Variants in SLC6A17 observed in about 807,000 individuals in gnomAD.
SLC6A17 encodes the protein sodium-dependent neutral amino acid transporter SLC6A17.
SLC6A17 carries 21 observed loss-of-function variants against 64.5 expected under a neutral mutation model. The ratio of observed to expected loss-of-function variants is 0.33; its 90% CI spans 0.23 to 0.47. SLC6A17 has a LOEUF of 0.47. SLC6A17 is among the 20% of genes least tolerant of loss of function. The pLI is 1.00. For missense variants in SLC6A17, 682 were observed against 963.2 expected (o/e 0.71, Z 3.86); for synonymous variants, 372 against 399.5 (o/e 0.93, Z 0.82).
At chr1:110,175,114 T>C (rs889800477) in intron 5 of SLC6A17, among the ~76,000 whole-genome samples, 154 bp downstream of exon 5, 2 of 152,122 alleles carry the variant, frequency 1.3e-5, no homozygotes, top group African/African-American at 4.8e-5. Context: ...ATTCCTATAG[T>C]GTTGCTCACC....
chr1:110,188,724 A>G (rs981197816), intron 6 of SLC6A17, among the ~76,000 whole-genome samples: 1 of 152,160 alleles, frequency 6.6e-6, no homozygotes, highest in Non-Finnish European at 1.5e-5. Context: ...AATCAAGACA[A>G]CATATAAAAA....
intron 9 of SLC6A17, among the ~76,000 whole-genome samples, chr1:110,195,287 A>G (rs974209279): frequency 3.9e-5 from 6 of 152,256 alleles, no homozygotes; most frequent in African/African-American, 1.2e-4. Flanking sequence ...CAGATGAATC[A>G]TTTAAGTTAA....
At chr1:110,153,716 A>G (rs1399700686) in intron 1 of SLC6A17, among the ~76,000 whole-genome samples, 2 of 152,184 alleles carry the variant, frequency 1.3e-5, no homozygotes, top group Non-Finnish European at 2.9e-5. Flanking sequence ...GGTTTGCTGC[A>G]GCAGGACAAT....
chr1:110,190,020 C>T (rs546006346), intron 6 of SLC6A17, among the ~76,000 whole-genome samples: 22 of 152,348 alleles, frequency 1.4e-4, no homozygotes, highest in African/African-American at 5.1e-4. Context: ...ACTTGGAGAG[C>T]CTGATTGCTT....
chr1:110,170,302 G>A (rs1189722565), intron 2 of SLC6A17, among the ~76,000 whole-genome samples: 2 of 152,112 alleles, frequency 1.3e-5, no homozygotes, highest in Non-Finnish European at 2.9e-5. Context: ...GGCTAACATG[G>A]TGAAACCCCG....
intron 3 of SLC6A17, among the ~76,000 whole-genome samples, chr1:110,173,486 T>G (rs1477692500): frequency 3.3e-5 from 5 of 152,248 alleles, no homozygotes; most frequent in Non-Finnish European, 7.3e-5. Context: ...GCCATCTTTC[T>G]AGAGGCAGGC....
intron 1 of SLC6A17, among the ~76,000 whole-genome samples, chr1:110,163,088 A>G (rs998003678): frequency 6.6e-6 from 1 of 151,996 alleles, no homozygotes; most frequent in African/African-American, 2.4e-5. Flanking sequence ...GGTACATTTT[A>G]ATAACAATAA....
chr1:110,173,234 C>A (rs541210377), intron 3 of SLC6A17, among the ~76,000 whole-genome samples: 1 of 152,232 alleles, frequency 6.6e-6, no homozygotes, highest in African/African-American at 2.4e-5. Context: ...CACATGTGCT[C>A]AGGTGAGACT....
At chr1:110,184,324 C>T (rs1040948943) in intron 6 of SLC6A17, among the ~76,000 whole-genome samples, 4 of 152,128 alleles carry the variant, frequency 2.6e-5, no homozygotes, top group Non-Finnish European at 1.5e-5. Flanking sequence ...CTAGGATGGT[C>T]TCGATCTCCT....
chr1:110,152,734 C>G (rs979663526), intron 1 of SLC6A17, among the ~76,000 whole-genome samples: 3 of 152,306 alleles, frequency 2.0e-5, no homozygotes, highest in Admixed American at 2.0e-4. Flanking sequence ...TCGGGAGTCT[C>G]AGAGTTTCCT....
intron 6 of SLC6A17, among the ~76,000 whole-genome samples, chr1:110,190,915 A>G (rs930376190): frequency 3.9e-5 from 6 of 152,338 alleles, no homozygotes; most frequent in African/African-American, 1.4e-4. Context: ...TACCTTGAGC[A>G]AGTCATTTCA....
At chr1:110,198,023 C>A in intron 11 of SLC6A17, 53 bp from the exon 12 acceptor site, 1 of 1,557,198 alleles carries the variant, frequency 6.4e-7, no homozygotes. Flanking sequence ...AGGGCCTGGG[C>A]GGGGAGGGCT....
At chr1:110,152,260 C>T (rs751904274) in intron 1 of SLC6A17, among the ~76,000 whole-genome samples, 16 of 152,164 alleles carry the variant, frequency 1.1e-4, no homozygotes, top group Non-Finnish European at 2.2e-4. Flanking sequence ...GCTCCACTGC[C>T]GGATTTTTCT....
chr1:110,172,449 G>T, intron 3 of SLC6A17: 1 of 554,560 alleles, frequency 1.8e-6, no homozygotes, highest in South Asian at 2.3e-5. Flanking sequence ...TTTGCCATTG[G>T]TGCTAAGGAG....
At position 110,192,558 on chromosome 1, in the gene SLC6A17, C is replaced by T. The variant is rs1292809813; in HGVS notation, c.1159C>T (p.Leu387Phe). 4 of 1,614,188 alleles carry T rather than the reference C, an allele frequency of 2.5e-6. No individual in the cohort carries two copies. The change falls in exon 8 of 12, where the codon CTC becomes TTC. Residue 387 changes from leucine to phenylalanine, a missense_variant. Leu to Phe is a conservative substitution (Grantham distance 22). Around this residue, in one of 3 missense-constraint regions of SLC6A17, gnomAD observed 415 missense variants for 603.8 expected, o/e 0.69. Coordinates refer to ENST00000331565, the MANE Select transcript of SLC6A17 (RefSeq NM_001010898.4). This position sits in a 1 kb window ranked among gnomAD's most constrained non-coding sequence, Gnocchi z 4.3. ...YLNTNVLSRDLIPPHVNFSHL... is the reference protein window; with the variant it reads ...YLNTNVLSRDFIPPHVNFSHL... ...TAACACCAACGTCCTGAGCCGGGAC[C>T]TCATCCCACCCCACGTCAACTTCTC...
chr1:110,187,222 AATCAGGCAGAACAATTCGCG>A (rs1656709088), intron 6 of SLC6A17, among the ~76,000 whole-genome samples: 1 of 152,148 alleles, frequency 6.6e-6, no homozygotes, highest in African/African-American at 2.4e-5. Context: ...ACAATTCGCT[AATCAGGCAGAACAATTCGCG>A]AATCGGGCAG....
chr1:110,189,261 C>T (rs912714289), intron 6 of SLC6A17, among the ~76,000 whole-genome samples: 2 of 152,220 alleles, frequency 1.3e-5, no homozygotes, highest in African/African-American at 2.4e-5. Flanking sequence ...CTTTGTAGAA[C>T]TAATGTCCTG....
chr1:110,161,789 G>A (rs1363002633), intron 1 of SLC6A17, among the ~76,000 whole-genome samples: 3 of 152,184 alleles, frequency 2.0e-5, no homozygotes, highest in Non-Finnish European at 4.4e-5. Flanking sequence ...CTGCTGTGGG[G>A]TGGAGGGGCT....
Position 110,198,064 on chromosome 1 carries a change from G to A in SLC6A17, c.1816-12G>A, listed in dbSNP as rs978550413. 6.2e-6 allele frequency: 10 copies of A among 1,602,434 alleles called. No individual in the cohort carries two copies. Among genetic ancestry groups the A allele is most frequent in the Non-Finnish European group, 6.8e-6 (8 of 1,174,834 alleles). On this transcript the variant is annotated splice_polypyrimidine_tract_variant and intron_variant, in intron 11 of 11. Coordinates refer to ENST00000331565, the MANE Select transcript of SLC6A17 (RefSeq NM_001010898.4). Reference sequence around the variant, plus strand: ...AGTGCCGGCAGCAGCCCTTAAGGCAGCCCACCCGCAGGCTGCCGAGCGCTA... The same window carrying A: ...AGTGCCGGCAGCAGCCCTTAAGGCAACCCACCCGCAGGCTGCCGAGCGCTA...
Sources: allele counts gnomAD v4.1 joint callset (sites outside exome capture counted in the v4.1 genomes callset), GRCh38; gene constraint gnomAD v4.1.1; regional missense constraint gnomAD v4.1.1; non-coding constraint Gnocchi (gnomAD v3.1); transcripts MANE v1.5; gene names NCBI Gene and HGNC (gene_info 2026-07-23, HGNC 2026-07-21).